The following LMTK2 variants were observed in gnomAD, a reference collection of about 807,000 sequenced individuals.
LMTK2 encodes the protein serine/threonine-protein kinase LMTK2.
Under a neutral mutation model 127.5 loss-of-function variants are expected in LMTK2, and 37 were observed. The ratio of observed to expected loss-of-function variants is 0.29; its 90% CI spans 0.22 to 0.38. The LOEUF (loss-of-function observed/expected upper bound fraction) is 0.38. Among genes scored for constraint, LMTK2 ranks in the 10% least tolerant of loss-of-function variants. The pLI is 1.00. For missense variants in LMTK2, 1,694 were observed against 1,920.3 expected (o/e 0.88, Z 2.20); for synonymous variants, 819 against 810.1 (o/e 1.01, Z -0.19).
intron 7 of LMTK2, among the ~76,000 whole-genome samples, chr7:98,182,022 A>G (rs1235418157): frequency 6.6e-6 from 1 of 152,218 alleles, no homozygotes; most frequent in Non-Finnish European, 1.5e-5. Context: ...TTTTCAACAA[A>G]TGCTGCTGGG....
intron 1 of LMTK2, among the ~76,000 whole-genome samples, chr7:98,118,646 G>A (rs747760892): frequency 1.3e-5 from 2 of 152,064 alleles, no homozygotes; most frequent in Admixed American, 6.6e-5. Context: ...GATTCATCTT[G>A]TTTCACCTTT....
intron 13 of LMTK2, among the ~76,000 whole-genome samples, chr7:98,204,619 C>G (rs1053876522): frequency 1.3e-5 from 2 of 152,110 alleles, no homozygotes; most frequent in African/African-American, 4.8e-5. Context: ...AGAGCAAGAC[C>G]CTGCCTCTAA....
At position 98,193,661 on chromosome 7, in the gene LMTK2, G is replaced by A. The variant is rs147359017; in HGVS notation, c.3196G>A (p.Gly1066Ser). The change falls in exon 11 of 14, where the codon GGT becomes AGT. Residue 1066 changes from glycine to serine, a missense_variant. Transcript: ENST00000297293. This position sits in a 1 kb window ranked among gnomAD's most constrained non-coding sequence, Gnocchi z 4.1. ...CACCACGGGCGATGGCGGCCACAGCGGTCTGCCTCCCAACCCGGTCATTGT... is the reference window on the plus strand; with the variant it reads ...CACCACGGGCGATGGCGGCCACAGCAGTCTGCCTCCCAACCCGGTCATTGT... Reference protein sequence around the residue: ...PATTGDGGHSGLPPNPVIVIS... With the variant: ...PATTGDGGHSSLPPNPVIVIS... 93 of 1,613,746 alleles carry A rather than the reference G, an allele frequency of 5.8e-5. No homozygotes were observed. The highest frequency in any genetic ancestry group is 4.7e-4 in the East Asian group (21 of 44,866).
chr7:98,175,861 G>T (rs965178582), intron 7 of LMTK2, among the ~76,000 whole-genome samples: 1 of 152,220 alleles, frequency 6.6e-6, no homozygotes, highest in African/African-American at 2.4e-5. Context: ...AAGGCTCGAG[G>T]TCCAGAGGGT....
rs200445166 is a variant in LMTK2 at position 98,207,505 on chromosome 7, T to C, written c.*2013T>C. 8.0e-6 allele frequency: 1 copy of C among 125,460 alleles called. No individual in the cohort carries two copies. The highest frequency in any genetic ancestry group is 1.7e-5 in the Non-Finnish European group (1 of 59,932). The allele number at this position is 125,460 out of a possible 1,614,324, so 7.8% of individuals were successfully genotyped here. On this transcript the variant is annotated 3_prime_UTR_variant, in exon 14 of 14. Transcript: ENST00000297293. ...GCACCACTGTCTCGGGATGCGCGAA[T>C]TTTTTTTTTTTTTTTAATTAACAGG... is the stretch of plus-strand genomic sequence containing the variant.
intron 1 of LMTK2, among the ~76,000 whole-genome samples, chr7:98,124,140 T>C (rs1242468394): frequency 2.6e-5 from 4 of 152,228 alleles, no homozygotes; most frequent in Non-Finnish European, 5.9e-5. Flanking sequence ...TCTGTTCCTC[T>C]TTCAGAGCAG....
intron 3 of LMTK2, among the ~76,000 whole-genome samples, chr7:98,146,769 AAAG>A (rs1478545834): frequency 6.6e-6 from 1 of 152,212 alleles, no homozygotes; most frequent in Non-Finnish European, 1.5e-5. Context: ...TAGGAAATAA[AAAG>A]AGGCGTTAGA....
chr7:98,165,370 T>A (rs1797079165), intron 6 of LMTK2, among the ~76,000 whole-genome samples: 1 of 152,208 alleles, frequency 6.6e-6, no homozygotes, highest in Non-Finnish European at 1.5e-5. Flanking sequence ...GGCTGAAGAA[T>A]CAGACCCAGG....
chr7:98,160,508 A>G (rs1350317811), intron 6 of LMTK2, among the ~76,000 whole-genome samples: 1 of 152,222 alleles, frequency 6.6e-6, no homozygotes. Flanking sequence ...TCTGGGCTGC[A>G]TTCATCTTCA....
Position 98,190,793 on chromosome 7 carries a change from A to C in LMTK2, c.1064A>C (p.Asn355Thr). The change falls in exon 10 of 14, where the codon AAC (asparagine) becomes ACC (threonine). Residue 355 changes from asparagine (N) to threonine (T), a missense_variant. By Grantham distance (65) the Asn-to-Thr change is moderately conservative. Around this residue, in one of 8 missense-constraint regions of LMTK2, gnomAD observed 216 missense variants for 266.8 expected, o/e 0.81. Coordinates refer to ENST00000297293, the MANE Select transcript of LMTK2 (RefSeq NM_014916.4). ...GCACAGCCGTATTCAAACCTTTCCA[A>C]CTTAGATGTCCTCAACCAAGTCATT... ...NAAQPYSNLS[N>T]LDVLNQVIRE... The C allele has an allele frequency of 6.2e-7, 1 of 1,614,000 alleles. No individual in the cohort carries two copies. Among genetic ancestry groups the C allele is most frequent in the Non-Finnish European group, 8.5e-7 (1 of 1,179,978 alleles).
intron 6 of LMTK2, among the ~76,000 whole-genome samples, chr7:98,164,771 A>T (rs1325908090): frequency 6.6e-6 from 1 of 152,132 alleles, no homozygotes; most frequent in East Asian, 1.9e-4. Context: ...AGAACAAAGC[A>T]CGCTGGAGAC....
At chr7:98,117,796 G>A (rs1796308001) in intron 1 of LMTK2, among the ~76,000 whole-genome samples, 1 of 152,016 alleles carries the variant, frequency 6.6e-6, no homozygotes. Flanking sequence ...GTAAAACCTC[G>A]TCTCTACTAA....
At chr7:98,110,443 T>C (rs1490470697) in intron 1 of LMTK2, among the ~76,000 whole-genome samples, 3 of 152,120 alleles carry the variant, frequency 2.0e-5, no homozygotes, top group South Asian at 2.1e-4. Context: ...AGGGCCCTTG[T>C]TGTTATGTAG....
At position 98,166,414 on chromosome 7, in the gene LMTK2, C is replaced by T. The variant is rs1259683232; in HGVS notation, c.658-5127C>T. 2.0e-5 allele frequency among the ~76,000 whole-genome samples: 3 copies of T among 152,306 alleles called. No individual in the cohort carries two copies. The East Asian group carries it at 5.8e-4, about 29-fold the overall frequency. On this transcript the variant is annotated intron_variant, in intron 6 of 13. Coordinates refer to ENST00000297293, the MANE Select transcript of LMTK2 (RefSeq NM_014916.4). ...CTGTAAAAGTTTAAAAAGAAAAACACTTTTAATAGAAAAATTTACAGAATA... is the reference window on the plus strand; with the variant it reads ...CTGTAAAAGTTTAAAAAGAAAAACATTTTTAATAGAAAAATTTACAGAATA...
Position 98,205,758 on chromosome 7 carries a change from C to T in LMTK2, c.*266C>T, listed in dbSNP as rs567157180. The T allele has an allele frequency of 6.5e-5, 36 of 550,426 alleles. 1 individual carries two copies. In the South Asian group the frequency reaches 7.7e-4, roughly 12 times the overall value. 34.1% of individuals were successfully genotyped at this position (550,426 alleles called of 1,614,324 possible). On this transcript the variant is annotated 3_prime_UTR_variant, in exon 14 of 14. Coordinates refer to ENST00000297293, the MANE Select transcript of LMTK2 (RefSeq NM_014916.4). ...CGCGGCCTCCCAGGCAGTGCTCATG[C>T]GCTGGCCGTCGGGGGAGGCAGGGGC...
At chr7:98,122,312 C>G (rs1796375139) in intron 1 of LMTK2, among the ~76,000 whole-genome samples, 2 of 151,874 alleles carry the variant, frequency 1.3e-5, no homozygotes, top group Non-Finnish European at 2.9e-5. Context: ...ATTTTGTCAC[C>G]CAGGCAATCA....
rs55674787 is a variant in LMTK2 at position 98,183,790 on chromosome 7, C to T, written c.792-1261C>T. 7.0e-4 allele frequency among the ~76,000 whole-genome samples: 106 copies of T among 152,316 alleles called. 1 individual carries two copies. The highest frequency in any genetic ancestry group is 2.5e-3 in the African/African-American group (104 of 41,582). On this transcript the variant is annotated intron_variant, in intron 7 of 13. Transcript: ENST00000297293. ...CCTCGAGTGATCCGCCTGCCTTAGC[C>T]TCCCAAGATGCTGGGATTACAGGTG...
intron 11 of LMTK2, among the ~76,000 whole-genome samples, chr7:98,201,328 A>AT (rs941145775): frequency 6.6e-6 from 1 of 152,018 alleles, no homozygotes; most frequent in Admixed American, 6.6e-5. Flanking sequence ...TAAATTTCTG[A>AT]TTTTTTCAGA....
intron 6 of LMTK2, among the ~76,000 whole-genome samples, chr7:98,167,278 A>G (rs1359474240): frequency 6.6e-6 from 1 of 152,266 alleles, no homozygotes; most frequent in Non-Finnish European, 1.5e-5. Flanking sequence ...TTTTAGAGAC[A>G]CAATAGGGAA....
Sources: gnomAD v4.1 joint callset for allele counts (sites outside exome capture counted in the v4.1 genomes callset) on GRCh38, gnomAD v4.1.1 for gene constraint, gnomAD v4.1.1 regional missense constraint, Gnocchi (gnomAD v3.1) non-coding constraint, MANE v1.5 for transcripts, NCBI Gene and HGNC (gene_info 2026-07-23, HGNC 2026-07-21) for gene names.